Variants in RIPOR3 observed in about 807,000 individuals in gnomAD.
The protein encoded by RIPOR3 is family with sequence similarity 65 member C.
RIPOR3 carries 95 observed loss-of-function variants against 114.3 expected under a neutral mutation model. The observed-to-expected ratio is 0.83, with a 90% CI of 0.70 to 0.99. RIPOR3 has a LOEUF of 0.99. Among genes scored for constraint, RIPOR3 ranks in the 50% least tolerant of loss-of-function variants. The pLI is 0.00. For synonymous variants in RIPOR3, 575 were observed against 543.8 expected (o/e 1.06, Z -0.80); for missense variants, 1,252 against 1,266.9 (o/e 0.99, Z 0.18).
intron 19 of RIPOR3, 37 bp from the exon 20 acceptor site, chr20:50,589,806 G>A (rs748566083): frequency 7.6e-6 from 12 of 1,588,208 alleles, no homozygotes; most frequent in Non-Finnish European, 1.0e-5. Context: ...GGAGGGGTAA[G>A]CAGAAGTGGA....
Position 50,671,418 on chromosome 20 carries a change from ACGCG to A in RIPOR3, c.3+19704_3+19707del, listed in dbSNP as rs201780156. 1.6e-3 allele frequency among the ~76,000 whole-genome samples: 33 copies of A among 21,098 alleles called. No homozygotes were observed. The East Asian group carries it at 0.06, about 39-fold the overall frequency. The allele number at this position is 21,098 out of a possible 152,430, so 13.8% of individuals were successfully genotyped here. ...CTCTCACATGAGCACGCGCGCGTGC[ACGCG>A]CGCGCGCACACACACACACACACAC... On this transcript the variant is annotated intron_variant, in intron 1 of 21. Transcript: ENST00000327979.
intron 6 of RIPOR3, among the ~76,000 whole-genome samples, chr20:50,610,267 C>T (rs761368859): frequency 1.2e-4 from 18 of 152,102 alleles, no homozygotes; most frequent in Non-Finnish European, 2.4e-4. Context: ...CTGCTGCATA[C>T]CCAGCTCCTG....
intron 1 of RIPOR3, among the ~76,000 whole-genome samples, chr20:50,632,705 T>C: frequency 6.6e-6 from 1 of 152,190 alleles, no homozygotes; most frequent in East Asian, 1.9e-4. Flanking sequence ...AATTATGAAA[T>C]CCATACAACC....
intron 3 of RIPOR3, among the ~76,000 whole-genome samples, 183 bp downstream of exon 3, chr20:50,619,803 T>G (rs1310403104): frequency 1.3e-5 from 2 of 152,228 alleles, no homozygotes; most frequent in African/African-American, 2.4e-5. Flanking sequence ...AGGTTTCCAG[T>G]GCCCAAGGAC....
At chr20:50,622,283 G>A (rs1363032694) in intron 2 of RIPOR3, among the ~76,000 whole-genome samples, 1 of 151,370 alleles carries the variant, frequency 6.6e-6, no homozygotes, top group Non-Finnish European at 1.5e-5. Flanking sequence ...CTGGGTTCAA[G>A]CGATTCTCCT....
rs201292205 is a variant in RIPOR3, at chr20:50,620,169, A to T, written c.123-37T>A. The T allele has an allele frequency of 2.5e-6, 4 of 1,606,450 alleles. No individual in the cohort carries two copies. In the East Asian group the frequency reaches 8.9e-5, roughly 36 times the overall value. ...GTTGGAGGGCAAGAGAAGTCAGAGA[A>T]GGGCCCTGACAAAGCCCTCCCCAGG... is the stretch of plus-strand genomic sequence containing the variant. On this transcript the variant is annotated intron_variant, in intron 2 of 21. Coordinates refer to ENST00000327979, the MANE Select transcript of RIPOR3 (RefSeq NM_001290268.2).
intron 1 of RIPOR3, among the ~76,000 whole-genome samples, chr20:50,646,966 T>C (rs1037276479): frequency 1.2e-4 from 18 of 152,128 alleles, no homozygotes; most frequent in African/African-American, 4.3e-4. Context: ...TTACAGGAAA[T>C]GTGGCTAGCA....
chr20:50,601,791 G>C (rs559961743), intron 13 of RIPOR3, among the ~76,000 whole-genome samples: 2 of 152,168 alleles, frequency 1.3e-5, no homozygotes, highest in South Asian at 2.1e-4. Context: ...CCACAGCCCC[G>C]CCCACCCAGG....
Position 50,653,441 on chromosome 20 carries a change from C to CTT in RIPOR3, c.4-22587_4-22586dup, listed in dbSNP as rs569793114. On this transcript the variant is annotated intron_variant, in intron 1 of 21. Transcript: ENST00000327979. The stretch of plus-strand genomic sequence containing the variant: ...AAAGAAAAAAACACTAAATTGTATA[C>CTT]TTTTTTTTTTTTTTGAGACAGCCTC... Among the ~76,000 whole-genome samples, 477 of 145,220 alleles carry CTT rather than the reference C, an allele frequency of 3.3e-3. 2 individuals carry two copies. The highest frequency in any genetic ancestry group is 5.0e-3 in the Non-Finnish European group (328 of 65,772).
chr20:50,681,244 AAAAG>A (rs368784283), intron 1 of RIPOR3, among the ~76,000 whole-genome samples: 8,621 of 40,714 alleles, frequency 0.21, 413 homozygotes, highest in East Asian at 0.27. Flanking sequence ...AAAAAAAAAG[AAAAG>A]AAAAGAAAAG....
At chr20:50,644,237 G>A (rs1381686647) in intron 1 of RIPOR3, among the ~76,000 whole-genome samples, 1 of 152,118 alleles carries the variant, frequency 6.6e-6, no homozygotes, top group East Asian at 1.9e-4. Context: ...CTCCCAAAGC[G>A]CCGGGATTAC....
intron 3 of RIPOR3, among the ~76,000 whole-genome samples, chr20:50,618,541 C>A (rs182134876): frequency 1.3e-5 from 2 of 152,138 alleles, no homozygotes; most frequent in South Asian, 2.1e-4. Context: ...TCCAATGTCA[C>A]CTTCTTAGCA....
intron 1 of RIPOR3, among the ~76,000 whole-genome samples, chr20:50,635,241 C>G (rs1260999009): frequency 6.6e-6 from 1 of 152,230 alleles, no homozygotes; most frequent in Non-Finnish European, 1.5e-5. Context: ...GGCCCTGCCT[C>G]TGACCCTTGG....
Position 50,594,565 on chromosome 20 carries a change from G to A in RIPOR3, c.2200C>T (p.Gln734Ter), listed in dbSNP as rs1365166495. 3.1e-6 allele frequency: 5 copies of A among 1,613,990 alleles called. No individual in the cohort carries two copies. Among genetic ancestry groups the A allele is most frequent in the Non-Finnish European group, 4.2e-6 (5 of 1,179,940 alleles). Residue 734 changes from glutamine (Q) to a stop codon, truncating the protein, a stop_gained, in exon 17 of 22, where the codon CAG becomes TAG. Coordinates refer to ENST00000327979, the MANE Select transcript of RIPOR3 (RefSeq NM_001290268.2). LOFTEE classifies it high-confidence loss of function. ...GAAGGGAACCCACCTATTTCCAGCTGTCCTGGGTACTTCCCTCTGACTCTG... is the reference window on the plus strand; with the variant it reads ...GAAGGGAACCCACCTATTTCCAGCTATCCTGGGTACTTCCCTCTGACTCTG... The part of the protein sequence containing the change: ...QHRVRGKYPG[Q>*]LEIACRRLLE...
At chr20:50,620,886 T>C (rs572685574) in intron 2 of RIPOR3, 40 of 654,798 alleles carry the variant, frequency 6.1e-5, no homozygotes, top group South Asian at 5.4e-4. Flanking sequence ...GTGCGGGACA[T>C]GATCCGGGAG....
intron 1 of RIPOR3, among the ~76,000 whole-genome samples, chr20:50,633,123 T>G (rs1181424396): frequency 1.3e-5 from 2 of 151,940 alleles, no homozygotes; most frequent in Non-Finnish European, 2.9e-5. Flanking sequence ...TTAGCCAGGC[T>G]TGGTGGCAGG....
At position 50,594,657 on chromosome 20, in the gene RIPOR3, C is replaced by G. The variant is rs2083228149; in HGVS notation, c.2108G>C (p.Gly703Ala). 1.1e-5 allele frequency: 18 copies of G among 1,613,748 alleles called. No individual in the cohort carries two copies. The highest frequency in any genetic ancestry group is 1.5e-5 in the Non-Finnish European group (18 of 1,179,918). Residue 703 changes from glycine (G) to alanine (A), a missense_variant, in exon 17 of 22, where the codon GGG (glycine) becomes GCG (alanine). Transcript: ENST00000327979. ...GCLKLWRGCT[G>A]PGRVLSCPAT... ...AGGGCAGGACAGGACCCTGCCAGGCCCTGTGCACCCTCTCCACAGCTTCAG... is the reference window on the plus strand; with the variant it reads ...AGGGCAGGACAGGACCCTGCCAGGCGCTGTGCACCCTCTCCACAGCTTCAG...
intron 1 of RIPOR3, among the ~76,000 whole-genome samples, chr20:50,656,460 A>T (rs2085817024): frequency 6.6e-6 from 1 of 152,230 alleles, no homozygotes; most frequent in South Asian, 2.1e-4. Flanking sequence ...TACCTATTTT[A>T]TAGGAGAAAT....
intron 1 of RIPOR3, among the ~76,000 whole-genome samples, chr20:50,647,083 G>T (rs1288457366): frequency 6.6e-6 from 1 of 152,170 alleles, no homozygotes; most frequent in East Asian, 1.9e-4. Flanking sequence ...ACTTTCGGAG[G>T]CCGAGGCGGA....
Sources: allele counts gnomAD v4.1 joint callset (sites outside exome capture counted in the v4.1 genomes callset), GRCh38; gene constraint gnomAD v4.1.1; transcripts MANE v1.5; gene names NCBI Gene and HGNC (gene_info 2026-07-23, HGNC 2026-07-21).